Variants in ARHGEF4 observed in about 807,000 individuals in gnomAD.
ARHGEF4 encodes the protein Rho guanine nucleotide exchange factor 4, also known as APC-stimulated guanine nucleotide exchange factor 1.
ARHGEF4 carries 119 observed loss-of-function variants against 162.0 expected under a neutral mutation model. That is an observed-to-expected ratio of 0.73 (90% CI 0.63 to 0.86). The LOEUF is 0.86. Ranked by LOEUF, ARHGEF4 falls within the 40% of genes least tolerant of loss-of-function variation. The pLI is 0.00. For missense variants in ARHGEF4, 2,488 were observed against 2,456.0 expected, an observed-to-expected ratio of 1.01 and a Z score of -0.28; for synonymous variants, 1,014 against 979.9, an observed-to-expected ratio of 1.03 and a Z score of -0.65.
At chr2:130,912,431 C>G (rs1219767240) in intron 1 of ARHGEF4, among the ~76,000 whole-genome samples, 1 of 152,240 alleles carries the variant, frequency 6.6e-6, no homozygotes, top group Non-Finnish European at 1.5e-5. Flanking sequence ...TGCTTTGCAA[C>G]TTACTTGAAA....
rs554486441 is a variant in ARHGEF4 at position 130,953,130 on chromosome 2, G to A, written c.3985+6495G>A. On this transcript the variant is annotated intron_variant, in intron 4 of 13. Transcript: ENST00000409359. Reference sequence around the variant, plus strand: ...CCTAAGCAAAAAGAACAAAACTGGAGGCATCATGCTACCTGACTTCAAAGT... The same window carrying A: ...CCTAAGCAAAAAGAACAAAACTGGAAGCATCATGCTACCTGACTTCAAAGT... 3.9e-4 allele frequency among the ~76,000 whole-genome samples: 59 copies of A among 152,180 alleles called. 1 individual carries two copies. The highest frequency in any genetic ancestry group is 1.9e-4 in the East Asian group (1 of 5,186).
intron 1 of ARHGEF4, among the ~76,000 whole-genome samples, chr2:130,849,494 A>C (rs994438859): frequency 1.6e-4 from 25 of 151,794 alleles, no homozygotes; most frequent in African/African-American, 5.8e-4. Context: ...CTGCCCTGGA[A>C]CTTGAAGGAG....
intron 4 of ARHGEF4, among the ~76,000 whole-genome samples, chr2:130,948,567 TATTTCAGTGTCACTTGAAATAA>T (rs1683764536): frequency 6.6e-6 from 1 of 152,234 alleles, no homozygotes; most frequent in African/African-American, 2.4e-5. Context: ...ATTTTCCTAT[TATTTCAGTGTCACTTGAAATAA>T]TTGGCAGATG....
At chr2:130,963,963 C>T (rs191999716) in intron 4 of ARHGEF4, 10,855 of 158,952 alleles carry the variant, frequency 0.068, 1,212 homozygotes, top group African/African-American at 0.23. Flanking sequence ...GCGCCCCGTC[C>T]CCCGGCAGCC....
intron 1 of ARHGEF4, among the ~76,000 whole-genome samples, chr2:130,867,820 C>T (rs1047206603): frequency 6.6e-6 from 1 of 152,204 alleles, no homozygotes; most frequent in Non-Finnish European, 1.5e-5. Flanking sequence ...TCCCCGGTCC[C>T]ACTGCTGCTG....
At chr2:130,947,745 A>G (rs1683710118) in intron 4 of ARHGEF4, among the ~76,000 whole-genome samples, 2 of 152,116 alleles carry the variant, frequency 1.3e-5, no homozygotes, top group African/African-American at 2.4e-5. Context: ...TAGAACAACC[A>G]CCTTCCTCAC....
intron 4 of ARHGEF4, among the ~76,000 whole-genome samples, chr2:131,005,404 C>G (rs1688057183): frequency 6.6e-6 from 1 of 152,166 alleles, no homozygotes; most frequent in African/African-American, 2.4e-5. Flanking sequence ...CAGGGCCCTC[C>G]CACAACAGCC....
At chr2:131,001,608 G>T (rs1223065447) in intron 4 of ARHGEF4, among the ~76,000 whole-genome samples, 1 of 152,118 alleles carries the variant, frequency 6.6e-6, no homozygotes, top group African/African-American at 2.4e-5. Flanking sequence ...TCAGAGGTTA[G>T]TTTGGCAGTA....
chr2:130,909,334 A>G (rs1445115924), intron 1 of ARHGEF4, among the ~76,000 whole-genome samples: 4 of 152,256 alleles, frequency 2.6e-5, no homozygotes, highest in Non-Finnish European at 4.4e-5. Flanking sequence ...ACGGGTCAGC[A>G]ATAGAAGGAA....
In ARHGEF4 at chr2:130,896,771, T is replaced by A. The variant is rs769218054; in HGVS notation, c.40-17215T>A. Among the ~76,000 whole-genome samples, 70 of 152,142 alleles carry A rather than the reference T, an allele frequency of 4.6e-4. 1 individual carries two copies. Among genetic ancestry groups the A allele is most frequent in the Non-Finnish European group, 8.2e-4 (56 of 68,022 alleles). ...CTGGCCTAGAAGGGCCAGGAAGAAG[T>A]AGGCCTCTGAGACCTGGGCTGCAGA... is the stretch of plus-strand genomic sequence containing the variant. On this transcript the variant is annotated intron_variant, in intron 1 of 13. Coordinates refer to ENST00000409359, the MANE Select transcript of ARHGEF4 (RefSeq NM_001367493.1).
intron 5 of ARHGEF4, among the ~76,000 whole-genome samples, chr2:131,036,819 A>T (rs933767005): frequency 8.5e-5 from 13 of 152,126 alleles, no homozygotes; most frequent in African/African-American, 3.1e-4. Flanking sequence ...GGTCAGGGCC[A>T]TGTCACCTAC....
rs905046069 is a variant in ARHGEF4 at position 130,916,851 on chromosome 2, C to G, written c.2905C>G (p.Leu969Val). 5.2e-6 allele frequency: 8 copies of G among 1,550,352 alleles called. No individual in the cohort carries two copies. The highest frequency in any genetic ancestry group is 7.0e-6 in the Non-Finnish European group (8 of 1,146,858). ...TGCCGGAAGCCCCAAAAAGCCCACC[C>G]TAGTGAGTCTGCCTCTAGGACCCGA... ...KDAGSPKKPT[L>V]VSLPLGPEVL... Residue 969 changes from leucine (L) to valine (V), a missense_variant, in exon 2 of 14, where the codon CTA (leucine) becomes GTA (valine). Transcript: ENST00000409359.
chr2:130,919,063 G>A (rs1265881779), intron 2 of ARHGEF4, among the ~76,000 whole-genome samples: 2 of 152,168 alleles, frequency 1.3e-5, no homozygotes, highest in East Asian at 3.9e-4. Flanking sequence ...CATACACATT[G>A]CTCTGCATCT....
intron 4 of ARHGEF4, among the ~76,000 whole-genome samples, chr2:130,978,871 A>G (rs967278860): frequency 1.3e-5 from 2 of 152,158 alleles, no homozygotes; most frequent in Non-Finnish European, 2.9e-5. Flanking sequence ...CCATGCAGTC[A>G]CCTCCTGCTC....
intron 4 of ARHGEF4, among the ~76,000 whole-genome samples, chr2:130,976,902 A>G (rs1448635731): frequency 6.6e-6 from 1 of 151,522 alleles, no homozygotes; most frequent in Non-Finnish European, 1.5e-5. Flanking sequence ...GGTATGCATT[A>G]GTGTGTGGTG....
At chr2:131,038,336 G>T (rs1316484585) in intron 5 of ARHGEF4, among the ~76,000 whole-genome samples, 1 of 143,386 alleles carries the variant, frequency 7.0e-6, no homozygotes, top group Non-Finnish European at 1.5e-5. Flanking sequence ...CTGCAGCCTT[G>T]CAGCCCCCAG....
intron 4 of ARHGEF4, among the ~76,000 whole-genome samples, chr2:131,002,856 A>G (rs1436665999): frequency 6.6e-6 from 1 of 152,024 alleles, no homozygotes; most frequent in Non-Finnish European, 1.5e-5. Context: ...TTAGTTTTTC[A>G]ACATTGTTGG....
At chr2:130,854,643 A>G (rs977838588) in intron 1 of ARHGEF4, among the ~76,000 whole-genome samples, 29 of 152,216 alleles carry the variant, frequency 1.9e-4, no homozygotes, top group Middle Eastern at 3.4e-3. Flanking sequence ...CAGTGCCCCC[A>G]TCTCATCTCA....
At chr2:131,045,245 T>G in intron 12 of ARHGEF4, 124 bp from the exon 13 acceptor site, 2 of 908,024 alleles carry the variant, frequency 2.2e-6, no homozygotes, top group Non-Finnish European at 3.4e-6. Flanking sequence ...CAGTCCCCGC[T>G]GTGGCCAGTA....
Sources: allele counts gnomAD v4.1 joint callset (sites outside exome capture counted in the v4.1 genomes callset), GRCh38; gene constraint gnomAD v4.1.1; transcripts MANE v1.5; gene names NCBI Gene and HGNC (gene_info 2026-07-23, HGNC 2026-07-21).